CNTN5: variants seen among roughly 807,000 people sequenced by gnomAD.
CNTN5 encodes the protein contactin 5.
Under a neutral mutation model 129.1 loss-of-function variants are expected in CNTN5, and 77 were observed. That is an observed-to-expected ratio of 0.60 (90% CI 0.50 to 0.72). The LOEUF is 0.72. Ranked by LOEUF, CNTN5 falls within the 30% of genes least tolerant of loss-of-function variation. The probability of loss-of-function intolerance (pLI) is 0.00; values close to 1 mark genes in which losing one functional copy is unlikely to be tolerated. For synonymous variants in CNTN5, 509 were observed against 465.6 expected, an observed-to-expected ratio of 1.09 and a Z score of -1.20; for missense variants, 1,478 against 1,328.8, an observed-to-expected ratio of 1.11 and a Z score of -1.75.
intron 2 of CNTN5, among the ~76,000 whole-genome samples, chr11:99,390,798 C>T (rs75041465): frequency 0.075 from 11,456 of 151,902 alleles, 637 homozygotes; most frequent in African/African-American, 0.15. Context: ...TAATAAAGTA[C>T]CCATCATATC....
intron 18 of CNTN5, among the ~76,000 whole-genome samples, chr11:100,287,542 C>G (rs1259880957): frequency 2.7e-5 from 4 of 150,666 alleles, no homozygotes; most frequent in African/African-American, 9.8e-5. Context: ...AAATACTTTA[C>G]AGACAAGCAA....
intron 3 of CNTN5, among the ~76,000 whole-genome samples, chr11:99,563,084 A>G (rs916175337): frequency 2.0e-5 from 3 of 152,136 alleles, no homozygotes; most frequent in African/African-American, 7.2e-5. Context: ...GTACAGGCTG[A>G]AAAGAATGAA....
At chr11:99,850,296 A>G (rs1299541732) in intron 6 of CNTN5, among the ~76,000 whole-genome samples, 1 of 152,166 alleles carries the variant, frequency 6.6e-6, no homozygotes, top group Non-Finnish European at 1.5e-5. Context: ...TACATTTTCT[A>G]AATGAATTTG....
chr11:99,395,815 C>T (rs1941492364), intron 2 of CNTN5, among the ~76,000 whole-genome samples: 2 of 151,882 alleles, frequency 1.3e-5, no homozygotes, highest in African/African-American at 4.8e-5. Flanking sequence ...TTCCCCATTG[C>T]TTGTTTTTGT....
intron 2 of CNTN5, among the ~76,000 whole-genome samples, chr11:99,410,110 T>A (rs1031176121): frequency 3.9e-5 from 6 of 152,068 alleles, no homozygotes; most frequent in African/African-American, 1.4e-4. Context: ...AAGATGATTA[T>A]CAAAAAAAGA....
intron 3 of CNTN5, among the ~76,000 whole-genome samples, chr11:99,690,289 T>G (rs763292351): frequency 6.6e-6 from 1 of 152,184 alleles, no homozygotes. Context: ...TTGGTCTATG[T>G]GCCTGTTCTT....
At chr11:99,713,550 C>T (rs1444506273) in intron 3 of CNTN5, among the ~76,000 whole-genome samples, 3 of 151,750 alleles carry the variant, frequency 2.0e-5, no homozygotes, top group Admixed American at 1.3e-4. Context: ...ATGCAAGATG[C>T]TGGGGTAAAT....
chr11:99,753,934 C>T (rs1222128914), intron 3 of CNTN5, among the ~76,000 whole-genome samples: 3 of 150,244 alleles, frequency 2.0e-5, no homozygotes, highest in South Asian at 2.1e-4. Flanking sequence ...GTGATCTGCC[C>T]GCCTCAGCCC....
chr11:99,070,142 A>G (rs1055110987), intron 1 of CNTN5, among the ~76,000 whole-genome samples: 2 of 152,286 alleles, frequency 1.3e-5, no homozygotes, highest in East Asian at 1.9e-4. Flanking sequence ...TCTGGGCAGT[A>G]TCTTCCCCCT....
At chr11:99,912,436 TTA>T (rs1399143644) in intron 6 of CNTN5, among the ~76,000 whole-genome samples, 3 of 151,954 alleles carry the variant, frequency 2.0e-5, no homozygotes, top group Non-Finnish European at 4.4e-5. Flanking sequence ...ATTAATTCAT[TTA>T]TATATGTATA....
At chr11:99,744,794 T>C (rs1472808148) in intron 3 of CNTN5, among the ~76,000 whole-genome samples, 1 of 150,920 alleles carries the variant, frequency 6.6e-6, no homozygotes, top group Non-Finnish European at 1.5e-5. Flanking sequence ...AACCCTGTAC[T>C]CAGAAAGACT....
intron 1 of CNTN5, among the ~76,000 whole-genome samples, chr11:99,166,357 C>A (rs979930989): frequency 6.8e-6 from 1 of 147,108 alleles, no homozygotes; most frequent in African/African-American, 2.5e-5. Flanking sequence ...GCCAAGATTG[C>A]GCCATTGCAC....
chr11:99,186,285 T>G (rs1858346465), intron 1 of CNTN5, among the ~76,000 whole-genome samples: 1 of 151,978 alleles, frequency 6.6e-6, no homozygotes, highest in African/African-American at 2.4e-5. Context: ...CTTTTCTACT[T>G]TAAACCCTCA....
At chr11:100,061,437 C>G in intron 10 of CNTN5, 44 bp downstream of exon 10, 1 of 1,380,988 alleles carries the variant, frequency 7.2e-7, no homozygotes, top group Non-Finnish European at 9.8e-7. Flanking sequence ...TCCCAAAAGT[C>G]AAACTGAAAG....
intron 7 of CNTN5, among the ~76,000 whole-genome samples, chr11:99,922,131 C>T (rs1949954439): frequency 6.6e-6 from 1 of 152,138 alleles, no homozygotes; most frequent in South Asian, 2.1e-4. Context: ...GAGGGCCTCA[C>T]AATTATGGCA....
chr11:100,283,525 T>G (rs1016220213), intron 18 of CNTN5, among the ~76,000 whole-genome samples: 3 of 152,182 alleles, frequency 2.0e-5, no homozygotes. Context: ...ACAGTCCTTG[T>G]GGCCTAGACT....
chr11:100,314,156 T>A (rs1951530414), intron 21 of CNTN5, among the ~76,000 whole-genome samples: 1 of 152,164 alleles, frequency 6.6e-6, no homozygotes, highest in Admixed American at 6.5e-5. Context: ...GATGTGGAAT[T>A]TCCTGTATTT....
In CNTN5 at chr11:99,657,067, G is replaced by GA. The variant is rs35174748; in HGVS notation, c.55+100810dup. Among the ~76,000 whole-genome samples, 358 of 140,928 alleles carry GA rather than the reference G, an allele frequency of 2.5e-3. 2 individuals are homozygous for GA. Among genetic ancestry groups the GA allele is most frequent in the African/African-American group, 7.9e-3 (294 of 37,198 alleles). The allele number at this position is 140,928 out of a possible 152,430, so 92.5% of individuals were successfully genotyped here. A position where few individuals can be genotyped will look rare whatever the true frequency, so the allele number is the denominator to read the frequency against. On this transcript the variant is annotated intron_variant, in intron 3 of 24. Transcript: ENST00000524871. ...TGTCCCAGTGCCCAACAAAAAATAA[G>GA]AAAAAAAAAAAAGAGAAAAAAAATA...
chr11:99,397,463 A>G (rs1437120622), intron 2 of CNTN5, among the ~76,000 whole-genome samples: 1 of 151,798 alleles, frequency 6.6e-6, no homozygotes, highest in African/African-American at 2.4e-5. Context: ...ATATCTACAC[A>G]TAAATTATTT....
Sources: gnomAD v4.1 joint callset for allele counts (sites outside exome capture counted in the v4.1 genomes callset) on GRCh38, gnomAD v4.1.1 for gene constraint, MANE v1.5 for transcripts, NCBI Gene and HGNC (gene_info 2026-07-23, HGNC 2026-07-21) for gene names.